Variants in KCNK10 observed in about 807,000 individuals in gnomAD.
KCNK10 encodes the protein potassium two pore domain channel subfamily K member 10, also known as potassium channel subfamily K member 10.
KCNK10 carries 25 observed loss-of-function variants against 47.7 expected under a neutral mutation model. That is an observed-to-expected ratio of 0.52 (90% CI 0.38 to 0.73). The LOEUF (loss-of-function observed/expected upper bound fraction) is 0.73. Among genes scored for constraint, KCNK10 ranks in the 30% least tolerant of loss-of-function variants. The pLI is 0.00. For synonymous variants in KCNK10, 303 were observed against 285.6 expected, an observed-to-expected ratio of 1.06 and a Z score of -0.61; for missense variants, 563 against 714.5, an observed-to-expected ratio of 0.79 and a Z score of 2.42.
intron 4 of KCNK10, among the ~76,000 whole-genome samples, chr14:88,217,336 A>G (rs1050069398): frequency 1.3e-5 from 2 of 152,250 alleles, no homozygotes; most frequent in African/African-American, 2.4e-5. Flanking sequence ...CACTACTGAA[A>G]GGCAGCCATT....
chr14:88,207,241 C>T (rs986783432), intron 4 of KCNK10, among the ~76,000 whole-genome samples: 1 of 134,370 alleles, frequency 7.4e-6, no homozygotes, highest in Non-Finnish European at 1.5e-5. Flanking sequence ...GGTGCAATTT[C>T]GGCTCACTGC....
rs1884377400 is a variant in KCNK10, at chr14:88,182,034, C to CCA, written c.*3500_*3501insTG. 1.0e-5 allele frequency: 1 copy of CCA among 96,008 alleles called. No individual in the cohort carries two copies. Among genetic ancestry groups the CCA allele is most frequent in the African/African-American group, 4.6e-5 (1 of 21,670 alleles). The allele number at this position is 96,008 out of a possible 1,614,324, so 5.9% of individuals were successfully genotyped here. A position where few individuals can be genotyped will look rare whatever the true frequency, so the allele number is the denominator to read the frequency against. ...AGAGATGGCCCAACACCACCCCAACCCGCACACACACACACACACACACAC... is the reference window on the plus strand; with the variant it reads ...AGAGATGGCCCAACACCACCCCAACCCACGCACACACACACACACACACACAC... On this transcript the variant is annotated 3_prime_UTR_variant, in exon 7 of 7. Transcript: ENST00000319231.
chr14:88,180,828 A>G lies in KCNK10; in HGVS notation c.*4707T>C. ...AGAGACAGAGGACAGGGCTTTGCTT[A>G]CAGCCATGTAATTAGCATGCTGTTC... On this transcript the variant is annotated 3_prime_UTR_variant, in exon 7 of 7. Coordinates refer to ENST00000319231, the MANE Select transcript of KCNK10 (RefSeq NM_138317.3). The G allele has an allele frequency of 2.5e-6, 1 of 398,738 alleles. No homozygotes were observed. Among genetic ancestry groups the G allele is most frequent in the Non-Finnish European group, 4.4e-6 (1 of 226,058 alleles). 24.7% of individuals were successfully genotyped at this position (398,738 alleles called of 1,614,324 possible).
At chr14:88,215,284 G>A (rs1389643036) in intron 4 of KCNK10, among the ~76,000 whole-genome samples, 3 of 152,156 alleles carry the variant, frequency 2.0e-5, no homozygotes, top group Non-Finnish European at 4.4e-5. Context: ...CCGCATGGCC[G>A]AGGAAGCCTC....
intron 5 of KCNK10, among the ~76,000 whole-genome samples, 161 bp downstream of exon 5, chr14:88,192,063 A>G (rs1884765037): frequency 6.6e-6 from 1 of 152,234 alleles, no homozygotes; most frequent in African/African-American, 2.4e-5. Flanking sequence ...TTTATATTAC[A>G]TAGGACTAGG....
rs1431716819 is a variant in KCNK10, at chr14:88,236,752, A to C, written c.520+3951T>G. 2.6e-5 allele frequency among the ~76,000 whole-genome samples: 4 copies of C among 152,234 alleles called. No individual in the cohort carries two copies. The East Asian group carries it at 7.7e-4, about 29-fold the overall frequency. On this transcript the variant is annotated intron_variant, in intron 3 of 6. Coordinates refer to ENST00000319231, the MANE Select transcript of KCNK10 (RefSeq NM_138317.3). ...CTCTACTACAGTCTATTGAGTGTACAATAGCATTAGGTCTAAAAAATGTAT... is the reference window on the plus strand; with the variant it reads ...CTCTACTACAGTCTATTGAGTGTACCATAGCATTAGGTCTAAAAAATGTAT...
chr14:88,237,795 A>G lies in KCNK10; in HGVS notation c.520+2908T>C, dbSNP rs372601409. ...GCTGTCATCCAGGCTTTGAAGTTCC[A>G]TTTATAGAAGGCAAGCAGAATCCTT... On this transcript the variant is annotated intron_variant, in intron 3 of 6. Transcript: ENST00000319231. 4.6e-5 allele frequency among the ~76,000 whole-genome samples: 7 copies of G among 152,286 alleles called. 1 individual carries two copies. The East Asian group carries it at 1.4e-3, about 29-fold the overall frequency.
At chr14:88,256,875 T>G (rs191840355) in intron 2 of KCNK10, among the ~76,000 whole-genome samples, 65 of 152,252 alleles carry the variant, frequency 4.3e-4, no homozygotes, top group Admixed American at 1.6e-3. Flanking sequence ...CAGACCACCA[T>G]AGTGTCTAAC....
chr14:88,323,134 G>C lies in KCNK10; in HGVS notation c.-336C>G, dbSNP rs548151752. On this transcript the variant is annotated 5_prime_UTR_variant, in exon 1 of 7. Coordinates refer to ENST00000319231, the MANE Select transcript of KCNK10 (RefSeq NM_138317.3). ...CAAGCTGCTTCCCAAAAGCGGTGCC[G>C]GCAGGTTAGGGGCTGCGCAGCCTGA... is the stretch of plus-strand genomic sequence containing the variant. The C allele has an allele frequency of 1.3e-4, 148 of 1,165,302 alleles. No homozygotes were observed. In the African/African-American group the frequency reaches 2.3e-3, roughly 18 times the overall value. 72.2% of individuals were successfully genotyped at this position (1,165,302 alleles called of 1,614,324 possible).
At chr14:88,286,360 C>T (rs73329816) in intron 1 of KCNK10, among the ~76,000 whole-genome samples, 6,260 of 152,218 alleles carry the variant, frequency 0.041, 263 homozygotes, top group African/African-American at 0.098. Flanking sequence ...GGCTATGCAG[C>T]AATCCCAACT....
chr14:88,235,306 G>A (rs1160007855), intron 3 of KCNK10: 1 of 451,550 alleles, frequency 2.2e-6, no homozygotes, highest in Non-Finnish European at 4.5e-6. Flanking sequence ...AAAAGAAGTT[G>A]ACCCAGCATA....
chr14:88,280,172 C>G (rs7161063), intron 1 of KCNK10, among the ~76,000 whole-genome samples: 9,101 of 152,246 alleles, frequency 0.06, 420 homozygotes, highest in South Asian at 0.19. Context: ...TGCTAACGAT[C>G]TCTGCTACCG....
At chr14:88,279,268 G>T (rs1244257093) in intron 1 of KCNK10, among the ~76,000 whole-genome samples, 1 of 152,006 alleles carries the variant, frequency 6.6e-6, no homozygotes, top group Non-Finnish European at 1.5e-5. Flanking sequence ...TTTGAGGTCA[G>T]ATTTTCTTAT....
At position 88,263,324 on chromosome 14, in the gene KCNK10, C is replaced by CA; in HGVS notation, c.279dup (p.Val94CysfsTer10). 6.2e-7 allele frequency: 1 copy of CA among 1,614,016 alleles called. No homozygotes were observed. The highest frequency in any genetic ancestry group is 8.5e-7 in the Non-Finnish European group (1 of 1,180,050). The stretch of plus-strand genomic sequence containing the variant: ...AAGGGCTGCTCCAATGCCCGGAAGA[C>CA]AAGACCGCCAGTGACAAGGTAGACC... On this transcript the variant is annotated frameshift_variant, in exon 2 of 7. Coordinates refer to ENST00000319231, the MANE Select transcript of KCNK10 (RefSeq NM_138317.3). LOFTEE classifies it high-confidence loss of function.
rs1218145255 is a variant in KCNK10 at position 88,260,036 on chromosome 14, A to G, written c.402+3166T>C. ...CGGCTCACTGCAACCTCTGCCTCCC[A>G]GGTTCAAGCAATTCTTCTGCCTCAG... On this transcript the variant is annotated intron_variant, in intron 2 of 6. Coordinates refer to ENST00000319231, the MANE Select transcript of KCNK10 (RefSeq NM_138317.3). The surrounding 1 kb of genome is among the most constrained non-coding windows in gnomAD (Gnocchi z 4.5). 2.0e-5 allele frequency among the ~76,000 whole-genome samples: 3 copies of G among 151,734 alleles called. No homozygotes were observed. Among genetic ancestry groups the G allele is most frequent in the Non-Finnish European group, 4.4e-5 (3 of 67,906 alleles).
At chr14:88,318,629 A>T (rs79714961) in intron 1 of KCNK10, among the ~76,000 whole-genome samples, 7 of 152,348 alleles carry the variant, frequency 4.6e-5, no homozygotes, top group Non-Finnish European at 8.8e-5. Context: ...TTCCAAGCGC[A>T]AAGGCCCTCA....
intron 1 of KCNK10, among the ~76,000 whole-genome samples, chr14:88,294,952 T>C (rs1054087518): frequency 6.6e-6 from 1 of 152,228 alleles, no homozygotes; most frequent in Non-Finnish European, 1.5e-5. Context: ...TTCTCTTCAA[T>C]GTATTTCTTA....
At chr14:88,231,121 A>AT (rs77568260) in intron 3 of KCNK10, among the ~76,000 whole-genome samples, 6 of 151,908 alleles carry the variant, frequency 3.9e-5, no homozygotes, top group Admixed American at 3.9e-4. Context: ...CAAAAAAAAA[A>AT]TTTTTTTAAT....
intron 1 of KCNK10, among the ~76,000 whole-genome samples, chr14:88,309,642 C>T (rs577779207): frequency 9.5e-4 from 145 of 152,146 alleles, no homozygotes; most frequent in Middle Eastern, 3.4e-3. Context: ...ATAAAAGGCC[C>T]CAACACCCGT....
Sources: allele counts gnomAD v4.1 joint callset (sites outside exome capture counted in the v4.1 genomes callset), GRCh38; gene constraint gnomAD v4.1.1; non-coding constraint Gnocchi (gnomAD v3.1); transcripts MANE v1.5; gene names NCBI Gene and HGNC (gene_info 2026-07-23, HGNC 2026-07-21).